The following SRPK1 variants were observed in gnomAD, a reference collection of about 807,000 sequenced individuals.
The protein encoded by SRPK1 is SRSF protein kinase 1, also known as SFRS protein kinase 1.
A neutral mutation model predicts 89.5 loss-of-function variants in SRPK1; 52 were observed. The ratio of observed to expected loss-of-function variants is 0.58; its 90% CI spans 0.46 to 0.73. The LOEUF is 0.73. SRPK1 is among the 30% of genes least tolerant of loss of function. The probability of loss-of-function intolerance (pLI) is 0.00; values close to 1 mark genes in which losing one functional copy is unlikely to be tolerated. For synonymous variants in SRPK1, 255 were observed against 270.2 expected, an observed-to-expected ratio of 0.94 and a Z score of 0.55; for missense variants, 603 against 780.6, an observed-to-expected ratio of 0.77 and a Z score of 2.71.
At chr6:35,913,185 GGGATGCACT>G (rs893618997) in intron 2 of SRPK1, among the ~76,000 whole-genome samples, 61 of 152,186 alleles carry the variant, frequency 4.0e-4, no homozygotes, top group Non-Finnish European at 4.9e-4. Context: ...TGTCAAGCCT[GGGATGCACT>G]GTAGTAGAAA....
At chr6:35,878,650 G>A (rs1770210355) in intron 6 of SRPK1, among the ~76,000 whole-genome samples, 1 of 152,212 alleles carries the variant, frequency 6.6e-6, no homozygotes, top group Admixed American at 6.5e-5. Flanking sequence ...AAGTATCAGA[G>A]TCGGGTGGCC....
At chr6:35,871,096 A>G in intron 8 of SRPK1, 137 bp from the exon 9 acceptor site, 1 of 504,626 alleles carries the variant, frequency 2.0e-6, no homozygotes, top group Non-Finnish European at 3.4e-6. Context: ...TTGTTTTTAA[A>G]TGACTTAAGT....
intron 2 of SRPK1, among the ~76,000 whole-genome samples, chr6:35,902,973 A>AG (rs1770776196): frequency 6.6e-6 from 1 of 152,176 alleles, no homozygotes; most frequent in Non-Finnish European, 1.5e-5. Flanking sequence ...GCTGAAGAGT[A>AG]GCACAATAAT....
At chr6:35,886,054 CTCTT>C (rs970550994) in intron 6 of SRPK1, among the ~76,000 whole-genome samples, 2 of 150,414 alleles carry the variant, frequency 1.3e-5, no homozygotes, top group African/African-American at 2.4e-5. Flanking sequence ...TTTTCTTTCT[CTCTT>C]TTTCTCTTTC....
intron 14 of SRPK1, 63 bp from the exon 15 acceptor site, chr6:35,838,492 C>T: frequency 7.0e-7 from 1 of 1,437,910 alleles, no homozygotes; most frequent in South Asian, 1.3e-5. Flanking sequence ...GTAACAAATG[C>T]AGCTCTAGAA....
chr6:35,838,012 G>A (rs1769221126), intron 15 of SRPK1, among the ~76,000 whole-genome samples: 1 of 151,652 alleles, frequency 6.6e-6, no homozygotes, highest in Non-Finnish European at 1.5e-5. Context: ...GGGATTACAG[G>A]CGCCCGCCAC....
In SRPK1 at chr6:35,880,746, A is replaced by AAAAAAAAGAAAGAAAG. The variant is rs1770263877; in HGVS notation, c.478+5977_478+5978insCTTTCTTTCTTTTTTT. 2.1e-3 allele frequency among the ~76,000 whole-genome samples: 188 copies of AAAAAAAAGAAAGAAAG among 89,132 alleles called. 6 individuals carry two copies. Among genetic ancestry groups the AAAAAAAAGAAAGAAAG allele is most frequent in the South Asian group, 3.3e-3 (7 of 2,132 alleles). The allele number at this position is 89,132 out of a possible 152,430, so 58.5% of individuals were successfully genotyped here. The stretch of plus-strand genomic sequence containing the variant: ...AAAAAAAAAAAAAAGAAAAAAAAAA[A>AAAAAAAAGAAAGAAAG]AAAAGAAAAGAAAAGAAGAAGAAAT... On this transcript the variant is annotated intron_variant, in intron 6 of 15. Coordinates refer to ENST00000373825, the MANE Select transcript of SRPK1 (RefSeq NM_003137.5).
At chr6:35,920,273 G>A (rs781534152) in intron 2 of SRPK1, 195 bp downstream of exon 2, 41 of 666,212 alleles carry the variant, frequency 6.2e-5, no homozygotes, top group Non-Finnish European at 1.0e-4. Flanking sequence ...GGGCTGCTAA[G>A]ACCCAGGCCT....
chr6:35,867,234 A>G (rs918768586), intron 12 of SRPK1, among the ~76,000 whole-genome samples: 1 of 152,208 alleles, frequency 6.6e-6, no homozygotes, highest in African/African-American at 2.4e-5. Flanking sequence ...GAAGGGAGAA[A>G]GTGAAGAAGC....
intron 2 of SRPK1, among the ~76,000 whole-genome samples, chr6:35,915,748 G>A (rs1422575447): frequency 3.3e-5 from 5 of 151,874 alleles, no homozygotes; most frequent in South Asian, 2.1e-4. Context: ...CGAGGTGGGC[G>A]GATCATGAGG....
intron 5 of SRPK1, 127 bp downstream of exon 5, chr6:35,887,892 CCTCTT>C (rs1770443011): frequency 3.5e-6 from 2 of 564,948 alleles, no homozygotes; most frequent in South Asian, 7.6e-5. Context: ...TCTTCCTTTA[CCTCTT>C]TAAGGTTACT....
rs12198487 is a variant in SRPK1 at position 35,833,243 on chromosome 6, T to C, written c.*2061A>G. The C allele has an allele frequency of 0.014, 2,140 of 152,760 alleles. 22 individuals are homozygous for C. The highest frequency in any genetic ancestry group is 0.024 in the Middle Eastern group (7 of 294). 9.5% of individuals were successfully genotyped at this position (152,760 alleles called of 1,614,324 possible). A position where few individuals can be genotyped will look rare whatever the true frequency, so the allele number is the denominator to read the frequency against. ...TGGAAGATCAAGATCTACAGCTGCC[T>C]ATTTCCACATCTTTCAATCCATCTG... On this transcript the variant is annotated 3_prime_UTR_variant, in exon 16 of 16. Coordinates refer to ENST00000373825, the MANE Select transcript of SRPK1 (RefSeq NM_003137.5).
chr6:35,889,824 C>A (rs908239489), intron 3 of SRPK1, among the ~76,000 whole-genome samples: 4 of 150,650 alleles, frequency 2.7e-5, no homozygotes, highest in Admixed American at 6.6e-5. Context: ...AACGGCAAGG[C>A]GCGGTGGCTC....
intron 9 of SRPK1, among the ~76,000 whole-genome samples, 152 bp from the exon 10 acceptor site, chr6:35,870,646 G>A (rs563388851): frequency 1.3e-5 from 2 of 152,086 alleles, no homozygotes; most frequent in Non-Finnish European, 2.9e-5. Flanking sequence ...TAAAAGATGC[G>A]GGATACTCTT....
intron 12 of SRPK1, among the ~76,000 whole-genome samples, chr6:35,860,706 T>C (rs1308972194): frequency 6.6e-6 from 1 of 152,172 alleles, no homozygotes; most frequent in Non-Finnish European, 1.5e-5. Flanking sequence ...GAGAGGCTTA[T>C]TAAGCAAATA....
At chr6:35,867,866 A>G (rs1427821837) in intron 12 of SRPK1, among the ~76,000 whole-genome samples, 2 of 152,238 alleles carry the variant, frequency 1.3e-5, no homozygotes, top group African/African-American at 4.8e-5. Flanking sequence ...AAAAAACAAC[A>G]GTATAAATAA....
intron 3 of SRPK1, among the ~76,000 whole-genome samples, 152 bp downstream of exon 3, chr6:35,890,743 A>G (rs1012834581): frequency 6.6e-6 from 1 of 152,150 alleles, no homozygotes; most frequent in African/African-American, 2.4e-5. Flanking sequence ...AAATTAAGTC[A>G]GACTAAGAAC....
At chr6:35,915,406 C>CAAA (rs560685673) in intron 2 of SRPK1, among the ~76,000 whole-genome samples, 25,475 of 73,326 alleles carry the variant, frequency 0.35, 3,296 homozygotes, top group South Asian at 0.47. Flanking sequence ...GACACCGTCT[C>CAAA]AAAAAAAAAA....
chr6:35,835,037 T>C lies in SRPK1; in HGVS notation c.*267A>G. The stretch of plus-strand genomic sequence containing the variant: ...AGGATGTCCTAATGGGAAGGAAAGG[T>C]ACAGGGCAAGAGGCTGTTTCACATT... On this transcript the variant is annotated 3_prime_UTR_variant, in exon 16 of 16. Transcript: ENST00000373825. 1 of 318,990 alleles carries C rather than the reference T, an allele frequency of 3.1e-6. No homozygotes were observed. The highest frequency in any genetic ancestry group is 5.8e-6 in the Non-Finnish European group (1 of 171,478). The allele number at this position is 318,990 out of a possible 1,614,324, so 19.8% of individuals were successfully genotyped here. A position where few individuals can be genotyped will look rare whatever the true frequency, so the allele number is the denominator to read the frequency against.
Sources: allele counts gnomAD v4.1 joint callset (sites outside exome capture counted in the v4.1 genomes callset), GRCh38; gene constraint gnomAD v4.1.1; transcripts MANE v1.5; gene names NCBI Gene and HGNC (gene_info 2026-07-23, HGNC 2026-07-21).